PDE10A: variants seen among roughly 807,000 people sequenced by gnomAD.
PDE10A encodes the protein cAMP and cAMP-inhibited cGMP 3',5'-cyclic phosphodiesterase 10A.
Under a neutral mutation model 97.7 loss-of-function variants are expected in PDE10A, and 39 were observed. The ratio of observed to expected loss-of-function variants is 0.40; its 90% CI spans 0.31 to 0.52. PDE10A has a LOEUF of 0.52. Among genes scored for constraint, PDE10A ranks in the 20% least tolerant of loss-of-function variants. The pLI is 0.56. For missense variants in PDE10A, 731 were observed against 1,047.8 expected (o/e 0.70, Z 4.17); for synonymous variants, 371 against 376.8 (o/e 0.98, Z 0.18).
intron 9 of PDE10A, among the ~76,000 whole-genome samples, chr6:165,429,374 A>G (rs1789394249): frequency 6.6e-6 from 1 of 152,116 alleles, no homozygotes; most frequent in African/African-American, 2.4e-5. Flanking sequence ...GATAGACTGC[A>G]CTGGCTAGGT....
rs185795101 is a variant in PDE10A, at chr6:165,655,651, C to T, written c.865+6296G>A. ...AGCATCCATGGACTCCCTGTATCCA[C>T]GACATCTCCCTTCATTCATTCACCA... On this transcript the variant is annotated intron_variant, in intron 1 of 21. Coordinates refer to ENST00000539869, the MANE Select transcript of PDE10A (RefSeq NM_001385079.1). The surrounding 1 kb of genome is among the most constrained non-coding windows in gnomAD (Gnocchi z 4.5). Among the ~76,000 whole-genome samples, 18 of 152,262 alleles carry T rather than the reference C, an allele frequency of 1.2e-4. No homozygotes were observed. Among genetic ancestry groups the T allele is most frequent in the Non-Finnish European group, 2.1e-4 (14 of 68,022 alleles).
intron 1 of PDE10A, among the ~76,000 whole-genome samples, chr6:165,951,283 T>G (rs992804807): frequency 6.6e-6 from 1 of 152,156 alleles, no homozygotes; most frequent in African/African-American, 2.4e-5. Flanking sequence ...GTTTTACGTC[T>G]TCTTCTTGAG....
intron 1 of PDE10A, among the ~76,000 whole-genome samples, chr6:165,896,646 T>C (rs989237157): frequency 6.7e-6 from 1 of 149,942 alleles, no homozygotes; most frequent in African/African-American, 2.5e-5. Context: ...TGCCTCAGCC[T>C]CCCGAGTAGC....
At chr6:165,525,002 C>A (rs1338536408) in intron 2 of PDE10A, among the ~76,000 whole-genome samples, 1 of 152,096 alleles carries the variant, frequency 6.6e-6, no homozygotes. Context: ...AGGAGATAAA[C>A]CCTGCACTGC....
At chr6:165,441,400 T>C (rs1790454470) in intron 5 of PDE10A, among the ~76,000 whole-genome samples, 1 of 152,230 alleles carries the variant, frequency 6.6e-6, no homozygotes, top group Non-Finnish European at 1.5e-5. Flanking sequence ...GCACAGTTTT[T>C]TGGTACTTAG....
intron 1 of PDE10A, among the ~76,000 whole-genome samples, chr6:165,952,275 C>T (rs1783988635): frequency 6.6e-6 from 1 of 152,230 alleles, no homozygotes; most frequent in African/African-American, 2.4e-5. Flanking sequence ...TTCTTCACTC[C>T]CCAACTTTAA....
At chr6:165,678,006 T>C (rs1445330136) in intron 1 of PDE10A, among the ~76,000 whole-genome samples, 1 of 151,728 alleles carries the variant, frequency 6.6e-6, no homozygotes, top group East Asian at 1.9e-4. Flanking sequence ...TGTGTTTATG[T>C]GTGTTTGTGT....
At chr6:165,881,895 AC>A (rs746940591) in intron 1 of PDE10A, among the ~76,000 whole-genome samples, 12 of 152,190 alleles carry the variant, frequency 7.9e-5, no homozygotes, top group Admixed American at 6.5e-4. Flanking sequence ...ACTTGAAAAA[AC>A]ATTGCCCGTG....
intron 1 of PDE10A, among the ~76,000 whole-genome samples, chr6:165,871,066 T>C (rs538313534): frequency 6.6e-6 from 1 of 152,352 alleles, no homozygotes; most frequent in East Asian, 1.9e-4. Context: ...TAATTTATTG[T>C]ATATTTCAAA....
chr6:165,422,487 C>T (rs3799173), intron 10 of PDE10A, among the ~76,000 whole-genome samples: 2 of 127,418 alleles, frequency 1.6e-5, no homozygotes, highest in East Asian at 4.0e-4. Context: ...GCATACACAC[C>T]TATGCATACG....
intron 1 of PDE10A, among the ~76,000 whole-genome samples, chr6:165,969,098 T>A (rs1431889573): frequency 6.6e-6 from 1 of 152,164 alleles, no homozygotes; most frequent in African/African-American, 2.4e-5. Context: ...TGCCATCAGA[T>A]GAGAAAGATA....
At chr6:165,883,860 C>T (rs1004462257) in intron 1 of PDE10A, among the ~76,000 whole-genome samples, 13 of 152,174 alleles carry the variant, frequency 8.5e-5, no homozygotes, top group Non-Finnish European at 1.8e-4. Flanking sequence ...AATGACAGGC[C>T]ACACCCCACC....
chr6:165,432,610 T>G (rs1789678872), intron 7 of PDE10A, among the ~76,000 whole-genome samples: 1 of 152,044 alleles, frequency 6.6e-6, no homozygotes, highest in Non-Finnish European at 1.5e-5. Flanking sequence ...GACACTAGAG[T>G]CTTTTATGCA....
At chr6:165,788,493 G>A (rs991497147) in intron 1 of PDE10A, among the ~76,000 whole-genome samples, 1 of 103,966 alleles carries the variant, frequency 9.6e-6, no homozygotes, top group African/African-American at 4.0e-5. Flanking sequence ...ACTCCAGCCT[G>A]AGCAACAAGA....
chr6:165,715,786 C>T (rs73028198), intron 1 of PDE10A, among the ~76,000 whole-genome samples: 2,879 of 152,258 alleles, frequency 0.019, 42 homozygotes, highest in East Asian at 0.051. Flanking sequence ...GTCCCTCTTC[C>T]GGGCACCGTG....
intron 1 of PDE10A, among the ~76,000 whole-genome samples, chr6:165,966,510 C>A (rs974224560): frequency 1.3e-5 from 2 of 152,230 alleles, no homozygotes; most frequent in Non-Finnish European, 1.5e-5. Flanking sequence ...CAGCCCAGCT[C>A]GTGGAAGATG....
chr6:165,466,934 C>A (rs1019655134), intron 3 of PDE10A, among the ~76,000 whole-genome samples: 1 of 151,918 alleles, frequency 6.6e-6, no homozygotes. Flanking sequence ...AAGTTGTGAA[C>A]GCAAAGAAAA....
intron 1 of PDE10A, among the ~76,000 whole-genome samples, chr6:165,690,876 T>C (rs1161755333): frequency 6.6e-6 from 1 of 152,144 alleles, no homozygotes; most frequent in Admixed American, 6.5e-5. Flanking sequence ...GAGACTAATA[T>C]TTGACTCTGT....
Position 165,450,297 on chromosome 6 carries a change from G to A in PDE10A, c.1089C>T (p.Asp363=), listed in dbSNP as rs1791191343. ...ELNSYIEQRL[D]TGGDNQLLLY... is the part of the protein sequence containing the mutation. Reference sequence around the variant, plus strand: ...GGAGTAGCTGGTTGTCTCCTCCTGTGTCCAACCGTTGTTCTATATAGCTGT... The same window carrying A: ...GGAGTAGCTGGTTGTCTCCTCCTGTATCCAACCGTTGTTCTATATAGCTGT... Residue 363 remains aspartate (D), a synonymous_variant, in exon 4 of 22, where the codon GAC becomes GAT. Transcript: ENST00000539869. 1.3e-6 allele frequency: 2 copies of A among 1,599,928 alleles called. No homozygotes were observed. The highest frequency in any genetic ancestry group is 1.3e-5 in the African/African-American group (1 of 74,612).
Sources: gnomAD v4.1 joint callset for allele counts (sites outside exome capture counted in the v4.1 genomes callset) on GRCh38, gnomAD v4.1.1 for gene constraint, Gnocchi (gnomAD v3.1) non-coding constraint, MANE v1.5 for transcripts, NCBI Gene and HGNC (gene_info 2026-07-23, HGNC 2026-07-21) for gene names.